Variants in NME7 observed in about 807,000 individuals in gnomAD.
NME7 encodes nucleoside diphosphate kinase 7.
In NME7, 41 loss-of-function variants were observed where a neutral mutation model predicts 49.1. That is an observed-to-expected ratio of 0.83 (90% CI 0.65 to 1.08). The LOEUF (loss-of-function observed/expected upper bound fraction) is 1.08, where lower values mean the gene tolerates loss of function less well. Among genes scored for constraint, NME7 ranks in the 50% least tolerant of loss-of-function variants. The pLI is 0.00. For missense variants in NME7, 423 were observed against 463.4 expected (o/e 0.91, Z 0.80); for synonymous variants, 139 against 150.6 (o/e 0.92, Z 0.56).
chr1:169,355,060 C>T (rs191602908), intron 1 of NME7, among the ~76,000 whole-genome samples: 9,922 of 43,416 alleles, frequency 0.23, 1,677 homozygotes, highest in Non-Finnish European at 0.3. Flanking sequence ...ATATAATATA[C>T]TATATATTAT....
chr1:169,133,296 C>CACTT (rs1264636149), intron 11 of NME7, among the ~76,000 whole-genome samples: 1 of 152,192 alleles, frequency 6.6e-6, no homozygotes, highest in Non-Finnish European at 1.5e-5. Flanking sequence ...GATTTAGTAT[C>CACTT]ACTTAACTAA....
intron 7 of NME7, among the ~76,000 whole-genome samples, chr1:169,243,691 C>T (rs1400633398): frequency 6.6e-6 from 1 of 152,116 alleles, no homozygotes; most frequent in Non-Finnish European, 1.5e-5. Flanking sequence ...AACCATGGGC[C>T]CTGACCTGAA....
chr1:169,201,763 T>C (rs942348237), intron 10 of NME7, among the ~76,000 whole-genome samples: 3 of 152,168 alleles, frequency 2.0e-5, no homozygotes, highest in African/African-American at 4.8e-5. Context: ...GAGATACTAA[T>C]AGCCAGTTAG....
chr1:169,322,184 A>C (rs2101935801), intron 3 of NME7: 1 of 152,358 alleles, frequency 6.6e-6, no homozygotes, highest in Non-Finnish European at 1.5e-5. Flanking sequence ...AGCTGTATCT[A>C]CAAGTTGTTC....
intron 3 of NME7, among the ~76,000 whole-genome samples, chr1:169,316,090 G>A (rs1219951209): frequency 6.6e-6 from 1 of 151,944 alleles, no homozygotes; most frequent in African/African-American, 2.4e-5. Flanking sequence ...ATAACAAGAA[G>A]AGAAAATATT....
chr1:169,321,398 A>T (rs1651846843), intron 3 of NME7, among the ~76,000 whole-genome samples: 1 of 152,146 alleles, frequency 6.6e-6, no homozygotes, highest in South Asian at 2.1e-4. Flanking sequence ...GTAGTCTTGA[A>T]CTGAGGTGTA....
At chr1:169,254,935 G>A (rs1178276983) in intron 7 of NME7, among the ~76,000 whole-genome samples, 1 of 132,056 alleles carries the variant, frequency 7.6e-6, no homozygotes, top group East Asian at 2.8e-4. Flanking sequence ...GAGATAGTTT[G>A]TTATAATTTC....
At chr1:169,351,052 C>A (rs1299948535) in intron 1 of NME7, among the ~76,000 whole-genome samples, 1 of 151,498 alleles carries the variant, frequency 6.6e-6, no homozygotes, top group Non-Finnish European at 1.5e-5. Flanking sequence ...CCATTGGGAC[C>A]AATACACACC....
chr1:169,178,820 C>CTT lies in NME7; in HGVS notation c.991-9268_991-9267dup, dbSNP rs57619644. On this transcript the variant is annotated intron_variant, in intron 10 of 11. Coordinates refer to ENST00000367811, the MANE Select transcript of NME7 (RefSeq NM_013330.5). ...ATTAGACTTCTAGCTGAAACCTCTT[C>CTT]TTTTTTTTTTTTTTTTTTGAGACAG... is the stretch of plus-strand genomic sequence containing the variant. 5.6e-4 allele frequency among the ~76,000 whole-genome samples: 70 copies of CTT among 124,328 alleles called. 2 individuals are homozygous for CTT. Among genetic ancestry groups the CTT allele is most frequent in the African/African-American group, 1.8e-3 (59 of 32,454 alleles). The allele number at this position is 124,328 out of a possible 152,430, so 81.6% of individuals were successfully genotyped here.
At position 169,255,933 on chromosome 1, in the gene NME7, A is replaced by G. The variant is rs1387553404; in HGVS notation, c.755-18246T>C. Among the ~76,000 whole-genome samples, 71 of 133,284 alleles carry G rather than the reference A, an allele frequency of 5.3e-4. 9 individuals carry two copies. In the South Asian group the frequency reaches 0.012, roughly 23 times the overall value. The allele number at this position is 133,284 out of a possible 152,430, so 87.4% of individuals were successfully genotyped here. A position where few individuals can be genotyped will look rare whatever the true frequency, so the allele number is the denominator to read the frequency against. ...TTGTAGGGTTTCTGCCGAGAGATCC[A>G]CTGTTAGTCTGATGGGCTTTCCTTT... is the stretch of plus-strand genomic sequence containing the variant. On this transcript the variant is annotated intron_variant, in intron 7 of 11. Coordinates refer to ENST00000367811, the MANE Select transcript of NME7 (RefSeq NM_013330.5).
intron 1 of NME7, among the ~76,000 whole-genome samples, chr1:169,362,989 C>A (rs936324342): frequency 9.9e-5 from 15 of 151,996 alleles, no homozygotes; most frequent in Admixed American, 9.8e-4. Flanking sequence ...AACATAATCC[C>A]AACACTTTGA....
chr1:169,137,683 C>T (rs1658471308), intron 11 of NME7, among the ~76,000 whole-genome samples: 1 of 152,104 alleles, frequency 6.6e-6, no homozygotes, highest in African/African-American at 2.4e-5. Context: ...TTTTGTCTTC[C>T]CTCTCCAAGG....
rs192009697 is a variant in NME7 at position 169,268,480 on chromosome 1, G to A, written c.754+18823C>T. ...ATATAAATCATTCTACCATAAACAC[G>A]CATGCAAATGTTCACTGAAGCACTA... On this transcript the variant is annotated intron_variant, in intron 7 of 11. Coordinates refer to ENST00000367811, the MANE Select transcript of NME7 (RefSeq NM_013330.5). Among the ~76,000 whole-genome samples, 27 of 132,784 alleles carry A rather than the reference G, an allele frequency of 2.0e-4. 1 individual carries two copies. Among genetic ancestry groups the A allele is most frequent in the African/African-American group, 6.3e-4 (25 of 39,410 alleles). 87.1% of individuals were successfully genotyped at this position (132,784 alleles called of 152,430 possible). A position where few individuals can be genotyped will look rare whatever the true frequency, so the allele number is the denominator to read the frequency against.
chr1:169,309,237 G>C (rs545070670), intron 4 of NME7, among the ~76,000 whole-genome samples: 243 of 152,070 alleles, frequency 1.6e-3, no homozygotes, highest in Non-Finnish European at 2.9e-3. Flanking sequence ...TTGTTGCCTG[G>C]TGTAATGCCT....
At chr1:169,355,334 G>GTATATTATATATAATATATTT (rs1653424427) in intron 1 of NME7, among the ~76,000 whole-genome samples, 1 of 84,218 alleles carries the variant, frequency 1.2e-5, no homozygotes, top group Non-Finnish European at 2.1e-5. Context: ...ATAATATATT[G>GTATATTATATATAATATATTT]TATATTATAT....
At chr1:169,286,552 T>G (rs1216909164) in intron 7 of NME7, 1 of 152,160 alleles carries the variant, frequency 6.6e-6, no homozygotes, top group Non-Finnish European at 1.5e-5. Context: ...TCTCTTTATA[T>G]ATGTATATAT....
At chr1:169,266,642 G>A (rs1649327994) in intron 7 of NME7, among the ~76,000 whole-genome samples, 1 of 133,410 alleles carries the variant, frequency 7.5e-6, no homozygotes, top group South Asian at 2.3e-4. Flanking sequence ...TCCAAATAGA[G>A]AGAAAGGAAG....
chr1:169,309,594 T>C (rs1390132986), intron 4 of NME7, among the ~76,000 whole-genome samples: 2 of 152,192 alleles, frequency 1.3e-5, no homozygotes, highest in African/African-American at 4.8e-5. Context: ...CTCTTGCTTT[T>C]CATGTCCTTT....
chr1:169,344,328 CT>C (rs1214913993), intron 1 of NME7, among the ~76,000 whole-genome samples: 4 of 152,180 alleles, frequency 2.6e-5, no homozygotes, highest in African/African-American at 9.7e-5. Context: ...GTCACATCCT[CT>C]GTGAATAAAG....
Sources: gnomAD v4.1 joint callset for allele counts (sites outside exome capture counted in the v4.1 genomes callset) on GRCh38, gnomAD v4.1.1 for gene constraint, MANE v1.5 for transcripts, NCBI Gene and HGNC (gene_info 2026-07-23, HGNC 2026-07-21) for gene names.